Variants in PXK observed in about 807,000 individuals in gnomAD.
The protein encoded by PXK is PX domain containing serine/threonine kinase like.
Under a neutral mutation model 84.7 loss-of-function variants are expected in PXK, and 35 were observed. That is an observed-to-expected ratio of 0.41 (90% CI 0.32 to 0.55). PXK has a LOEUF of 0.55. Ranked by LOEUF, PXK falls within the 20% of genes least tolerant of loss-of-function variation. PXK has a pLI of 0.21. For synonymous variants in PXK, 253 were observed against 260.8 expected (o/e 0.97, Z 0.29); for missense variants, 634 against 699.7 (o/e 0.91, Z 1.06).
At chr3:58,352,604 T>C (rs767317353) in intron 1 of PXK, among the ~76,000 whole-genome samples, 6 of 152,386 alleles carry the variant, frequency 3.9e-5, no homozygotes, top group Non-Finnish European at 7.3e-5. Context: ...TGATGTAAGA[T>C]GGAATTACTG....
At chr3:58,424,649 A>C (rs76815620) in intron 17 of PXK, 103 bp from the exon 18 acceptor site, 1 of 1,460,768 alleles carries the variant, frequency 6.8e-7, no homozygotes, top group African/African-American at 1.4e-5. Flanking sequence ...TCTGAGAAAA[A>C]CATGTGGACT....
At chr3:58,366,646 ACACACAGTTGTC>A (rs1438776425) in intron 2 of PXK, among the ~76,000 whole-genome samples, 1 of 152,192 alleles carries the variant, frequency 6.6e-6, no homozygotes, top group East Asian at 1.9e-4. Flanking sequence ...GCAGCCTCTT[ACACACAGTTGTC>A]CACACTTGGT....
At chr3:58,384,304 G>A (rs1156859352) in intron 4 of PXK, among the ~76,000 whole-genome samples, 4 of 152,222 alleles carry the variant, frequency 2.6e-5, no homozygotes. Flanking sequence ...GCACATTAAA[G>A]CGTGAGAAGC....
Position 58,390,338 on chromosome 3 carries a change from G to A in PXK, c.389-244G>A, listed in dbSNP as rs1329273510. ...ATTAGTAATGTTACTATTAACTATG[G>A]GCTTTATTCAGATTTTACCAGTTTT... On this transcript the variant is annotated intron_variant, in intron 4 of 17. Transcript: ENST00000356151. The surrounding 1 kb of genome is among the most constrained non-coding windows in gnomAD (Gnocchi z 4.2). Among the ~76,000 whole-genome samples the A allele has an allele frequency of 6.6e-6, 1 of 151,842 alleles. No individual in the cohort carries two copies. The highest frequency in any genetic ancestry group is 2.4e-5 in the African/African-American group (1 of 41,290).
At chr3:58,392,117 G>C (rs1271818879) in intron 7 of PXK, among the ~76,000 whole-genome samples, 4 of 152,120 alleles carry the variant, frequency 2.6e-5, no homozygotes, top group Non-Finnish European at 1.5e-5. Flanking sequence ...ACTTCTCCCA[G>C]CCTGTTGTTC....
At chr3:58,384,069 C>T (rs777407671) in intron 4 of PXK, among the ~76,000 whole-genome samples, 4 of 152,162 alleles carry the variant, frequency 2.6e-5, no homozygotes, top group East Asian at 3.8e-4. Context: ...CTGATTAAAT[C>T]GGAGTCTTGT....
At chr3:58,338,622 T>G (rs59491259) in intron 1 of PXK, among the ~76,000 whole-genome samples, 3 of 150,476 alleles carry the variant, frequency 2.0e-5, no homozygotes. Context: ...GACTCCGTCT[T>G]AAAAAAAAAA....
At chr3:58,337,886 A>G (rs2097651854) in intron 1 of PXK, among the ~76,000 whole-genome samples, 1 of 152,184 alleles carries the variant, frequency 6.6e-6, no homozygotes, top group African/African-American at 2.4e-5. Context: ...TTATTTATTT[A>G]TCACCAGAAT....
At chr3:58,391,989 AT>A (rs2098636451) in intron 7 of PXK, 142 bp downstream of exon 7, 1 of 690,096 alleles carries the variant, frequency 1.4e-6, no homozygotes, top group Non-Finnish European at 2.5e-6. Context: ...TGTAGGGCTA[AT>A]CTCTTAGATC....
At chr3:58,403,944 C>A in intron 13 of PXK, 34 bp downstream of exon 13, 2 of 1,400,900 alleles carry the variant, frequency 1.4e-6, no homozygotes, top group Non-Finnish European at 1.9e-6. Context: ...TGGTTTGTGA[C>A]ATAACTAAGT....
intron 6 of PXK, 131 bp from the exon 7 acceptor site, chr3:58,391,642 C>T (rs1227719843): frequency 8.7e-6 from 7 of 803,784 alleles, no homozygotes; most frequent in African/African-American, 8.7e-5. Context: ...GGTCTTGAGG[C>T]AGCCAGACTT....
rs1262988277 is a variant in PXK at position 58,421,906 on chromosome 3, C to CT, written c.1529-2845dup. ...GGGTGCAAATTCAGGTATCATAAGT[C>CT]TAACATGGAATCGGTCTGCTCTCAT... On this transcript the variant is annotated intron_variant, in intron 17 of 17. Transcript: ENST00000356151. This position sits in a 1 kb window ranked among gnomAD's most constrained non-coding sequence, Gnocchi z 5.5. 92 of 985,276 alleles carry CT rather than the reference C, an allele frequency of 9.3e-5. No individual in the cohort carries two copies. The highest frequency in any genetic ancestry group is 1.1e-4 in the Non-Finnish European group (92 of 829,934). 61.0% of individuals were successfully genotyped at this position (985,276 alleles called of 1,614,324 possible). A position where few individuals can be genotyped will look rare whatever the true frequency, so the allele number is the denominator to read the frequency against.
At chr3:58,344,337 C>T (rs377329313) in intron 1 of PXK, among the ~76,000 whole-genome samples, 1 of 152,204 alleles carries the variant, frequency 6.6e-6, no homozygotes, top group African/African-American at 2.4e-5. Context: ...AAAAGTTTGT[C>T]TCACTGTCAA....
chr3:58,359,697 G>C (rs1291320596), intron 1 of PXK, among the ~76,000 whole-genome samples: 1 of 152,084 alleles, frequency 6.6e-6, no homozygotes, highest in Non-Finnish European at 1.5e-5. Context: ...ATTTCTATAA[G>C]AATGTAAAAG....
At chr3:58,405,106 A>G (rs1437148472) in intron 13 of PXK, among the ~76,000 whole-genome samples, 2 of 152,204 alleles carry the variant, frequency 1.3e-5, no homozygotes, top group South Asian at 2.1e-4. Flanking sequence ...AGATAGTATG[A>G]TTTTAAAATC....
At chr3:58,352,875 CGGAGAAG>C (rs747716728) in intron 1 of PXK, among the ~76,000 whole-genome samples, 31 of 152,078 alleles carry the variant, frequency 2.0e-4, no homozygotes, top group Non-Finnish European at 2.9e-4. Context: ...TCAAAAGGCC[CGGAGAAG>C]GGAGAAGAGA....
At chr3:58,386,022 A>C (rs2098547756) in intron 4 of PXK, among the ~76,000 whole-genome samples, 1 of 152,060 alleles carries the variant, frequency 6.6e-6, no homozygotes, top group Non-Finnish European at 1.5e-5. Context: ...GCTAACTGGG[A>C]GCTCTCAGGA....
intron 3 of PXK, among the ~76,000 whole-genome samples, chr3:58,378,512 T>TGTG (rs1553776508): frequency 3.4e-4 from 10 of 29,074 alleles, no homozygotes; most frequent in African/African-American, 1.2e-3. Flanking sequence ...TTTTTTTTTT[T>TGTG]TGTGTGTGTG....
At chr3:58,389,595 G>C (rs2098601850) in intron 4 of PXK, among the ~76,000 whole-genome samples, 1 of 152,054 alleles carries the variant, frequency 6.6e-6, no homozygotes, top group African/African-American at 2.4e-5. Context: ...GGTCGAGATG[G>C]GCGGATCTCT....
Sources: gnomAD v4.1 joint callset for allele counts (sites outside exome capture counted in the v4.1 genomes callset) on GRCh38, gnomAD v4.1.1 for gene constraint, Gnocchi (gnomAD v3.1) non-coding constraint, MANE v1.5 for transcripts, NCBI Gene and HGNC (gene_info 2026-07-23, HGNC 2026-07-21) for gene names.